Variants in MEI4 observed in about 807,000 individuals in gnomAD.
MEI4 encodes the protein meiosis-specific protein MEI4.
A neutral mutation model predicts 31.4 loss-of-function variants in MEI4; 27 were observed. That is an observed-to-expected ratio of 0.86 (90% confidence interval 0.63 to 1.19). The LOEUF is 1.19. Ranked by LOEUF, MEI4 falls within the 50% of genes most tolerant of loss-of-function variation. The probability of loss-of-function intolerance (pLI) is 0.00; values close to 1 mark genes in which losing one functional copy is unlikely to be tolerated. For missense variants in MEI4, 329 were observed against 398.9 expected, an observed-to-expected ratio of 0.82 and a Z score of 1.49; for synonymous variants, 122 against 145.4, an observed-to-expected ratio of 0.84 and a Z score of 1.16.
At chr6:77,796,881 G>A (rs753023933) in intron 3 of MEI4, among the ~76,000 whole-genome samples, 1 of 152,122 alleles carries the variant, frequency 6.6e-6, no homozygotes, top group Non-Finnish European at 1.5e-5. Context: ...AGTAGCAGAA[G>A]CAATCTTGAG....
intron 2 of MEI4, among the ~76,000 whole-genome samples, chr6:77,707,766 C>T (rs1408813003): frequency 1.3e-5 from 2 of 152,230 alleles, no homozygotes; most frequent in East Asian, 3.9e-4. Context: ...ATCCCTGCTA[C>T]TACAGCTCCA....
chr6:77,817,308 A>G (rs576436368), intron 3 of MEI4, among the ~76,000 whole-genome samples: 11 of 152,276 alleles, frequency 7.2e-5, no homozygotes, highest in Admixed American at 2.6e-4. Flanking sequence ...CTGTGAGGAT[A>G]GGGATGGTGA....
At chr6:77,796,628 A>C (rs1769083551) in intron 3 of MEI4, among the ~76,000 whole-genome samples, 1 of 152,242 alleles carries the variant, frequency 6.6e-6, no homozygotes, top group Admixed American at 6.5e-5. Flanking sequence ...CATCAAAAAT[A>C]GGAATAAGTT....
At chr6:77,676,502 G>T (rs988502974) in intron 1 of MEI4, among the ~76,000 whole-genome samples, 3 of 151,944 alleles carry the variant, frequency 2.0e-5, no homozygotes, top group Non-Finnish European at 4.4e-5. Flanking sequence ...ACTCCAGCCT[G>T]GGCAATGGAG....
intron 1 of MEI4, among the ~76,000 whole-genome samples, chr6:77,679,163 A>G (rs1012144941): frequency 6.6e-6 from 1 of 152,208 alleles, no homozygotes. Context: ...AATTTTAAAT[A>G]TATTTAGTGT....
chr6:77,819,728 C>A (rs534689193), intron 3 of MEI4, among the ~76,000 whole-genome samples: 1 of 152,122 alleles, frequency 6.6e-6, no homozygotes, highest in African/African-American at 2.4e-5. Flanking sequence ...AAAGGCCTTT[C>A]TTTTTATTTG....
intron 3 of MEI4, among the ~76,000 whole-genome samples, chr6:77,766,889 G>A (rs889456175): frequency 2.0e-5 from 3 of 152,014 alleles, no homozygotes; most frequent in Admixed American, 2.0e-4. Context: ...CTGCAAGTTA[G>A]GACATTGTTT....
intron 2 of MEI4, among the ~76,000 whole-genome samples, chr6:77,751,524 G>T (rs897970114): frequency 6.6e-6 from 1 of 152,100 alleles, no homozygotes; most frequent in Admixed American, 6.6e-5. Flanking sequence ...AGAAGAATTG[G>T]GTAAGTTCCT....
chr6:77,857,736 C>G (rs1236455597), intron 4 of MEI4, among the ~76,000 whole-genome samples: 3 of 152,150 alleles, frequency 2.0e-5, no homozygotes, highest in Non-Finnish European at 4.4e-5. Flanking sequence ...ATTTTTCTCT[C>G]CATAAAACAA....
At chr6:77,879,189 T>A (rs916931820) in intron 4 of MEI4, among the ~76,000 whole-genome samples, 10 of 152,182 alleles carry the variant, frequency 6.6e-5, no homozygotes, top group African/African-American at 2.4e-4. Flanking sequence ...TATTATTTTC[T>A]CATATTAAGT....
chr6:77,800,011 G>A (rs576375997), intron 3 of MEI4, among the ~76,000 whole-genome samples: 25 of 152,220 alleles, frequency 1.6e-4, no homozygotes, highest in African/African-American at 4.1e-4. Context: ...CTTTAAAGTA[G>A]TTTTTTCCAA....
At chr6:77,883,715 A>AG (rs1562025017) in intron 4 of MEI4, among the ~76,000 whole-genome samples, 16 of 65,610 alleles carry the variant, frequency 2.4e-4, no homozygotes, top group African/African-American at 1.0e-3. Flanking sequence ...GCTATTATGT[A>AG]AGATATATAT....
chr6:77,693,220 T>C (rs1370074887), intron 2 of MEI4, among the ~76,000 whole-genome samples: 1 of 152,096 alleles, frequency 6.6e-6, no homozygotes, highest in African/African-American at 2.4e-5. Flanking sequence ...TTTTTGATAA[T>C]GGGCTCTTTG....
intron 3 of MEI4, among the ~76,000 whole-genome samples, chr6:77,796,529 T>G (rs1769080489): frequency 1.3e-5 from 2 of 151,992 alleles, no homozygotes; most frequent in South Asian, 4.2e-4. Context: ...GACTGCAAAA[T>G]AAACATTTAA....
At chr6:77,896,345 G>T (rs1766084325) in intron 4 of MEI4, among the ~76,000 whole-genome samples, 1 of 152,102 alleles carries the variant, frequency 6.6e-6, no homozygotes, top group African/African-American at 2.4e-5. Flanking sequence ...AATGTGTGAA[G>T]ATAAATTTTT....
chr6:77,868,376 T>G (rs562803631), intron 4 of MEI4, among the ~76,000 whole-genome samples: 2 of 150,994 alleles, frequency 1.3e-5, no homozygotes, highest in South Asian at 4.2e-4. Flanking sequence ...GTAGTTTTAA[T>G]GTCTCAAATT....
At chr6:77,783,037 T>C (rs1299609530) in intron 3 of MEI4, among the ~76,000 whole-genome samples, 2 of 152,222 alleles carry the variant, frequency 1.3e-5, no homozygotes, top group East Asian at 3.8e-4. Context: ...CAACTGCAGC[T>C]TTGTTTAACC....
intron 1 of MEI4, among the ~76,000 whole-genome samples, chr6:77,661,859 C>T (rs948623717): frequency 1.3e-5 from 2 of 152,066 alleles, no homozygotes; most frequent in Non-Finnish European, 2.9e-5. Context: ...GAAAAACTGG[C>T]CGTGAGGGAC....
chr6:77,743,613 A>G (rs922054792), intron 2 of MEI4, among the ~76,000 whole-genome samples: 1 of 152,200 alleles, frequency 6.6e-6, no homozygotes, highest in African/African-American at 2.4e-5. Flanking sequence ...TGAAGATAGC[A>G]GTGGTTCTCC....
Sources: gnomAD v4.1 joint callset for allele counts (sites outside exome capture counted in the v4.1 genomes callset) on GRCh38, gnomAD v4.1.1 for gene constraint, MANE v1.5 for transcripts, NCBI Gene and HGNC (gene_info 2026-07-23, HGNC 2026-07-21) for gene names.